The following FBXO32 variants were observed in gnomAD, a reference collection of about 807,000 sequenced individuals.
The protein encoded by FBXO32 is F-box only protein 32.
In FBXO32, 15 loss-of-function variants were observed where a neutral mutation model predicts 48.3. The ratio of observed to expected loss-of-function variants is 0.31; its 90% CI spans 0.21 to 0.48. The LOEUF is 0.48. FBXO32 is among the 20% of genes least tolerant of loss of function. The probability of loss-of-function intolerance (pLI) is 0.99; values close to 1 mark genes in which losing one functional copy is unlikely to be tolerated. For missense variants in FBXO32, 309 were observed against 432.7 expected (o/e 0.71, Z 2.54); for synonymous variants, 154 against 165.9 (o/e 0.93, Z 0.55).
intron 1 of FBXO32, among the ~76,000 whole-genome samples, chr8:123,538,641 G>GA (rs961468820): frequency 1.1e-4 from 16 of 151,050 alleles, no homozygotes; most frequent in Middle Eastern, 3.4e-3. Context: ...ACAGTTGCTG[G>GA]AAAAAAAAAT....
chr8:123,521,594 C>T (rs1816956518), intron 4 of FBXO32, among the ~76,000 whole-genome samples: 1 of 152,226 alleles, frequency 6.6e-6, no homozygotes, highest in Non-Finnish European at 1.5e-5. Context: ...GCAGCTTCCT[C>T]TACCTGTTAG....
At chr8:123,520,820 A>G (rs1035676500) in intron 4 of FBXO32, among the ~76,000 whole-genome samples, 6 of 152,126 alleles carry the variant, frequency 3.9e-5, no homozygotes, top group Non-Finnish European at 7.4e-5. Context: ...GCTCCTTACC[A>G]TGACTGGCAA....
chr8:123,508,942 G>T (rs1431885037), intron 6 of FBXO32, among the ~76,000 whole-genome samples: 1 of 152,034 alleles, frequency 6.6e-6, no homozygotes. Flanking sequence ...TCTTCCTTTC[G>T]AATATAAACG....
intron 1 of FBXO32, among the ~76,000 whole-genome samples, chr8:123,539,646 T>C (rs1472287531): frequency 1.3e-5 from 2 of 152,184 alleles, no homozygotes; most frequent in Admixed American, 1.3e-4. Flanking sequence ...ATTTGATGCA[T>C]TACAAATCAC....
intron 7 of FBXO32, among the ~76,000 whole-genome samples, chr8:123,505,464 G>A (rs549037657): frequency 4.7e-5 from 7 of 149,582 alleles, no homozygotes; most frequent in Admixed American, 2.0e-4. Context: ...CACAGGGTGC[G>A]GTGGCTCACG....
chr8:123,508,160 C>A (rs1034982006), intron 6 of FBXO32, among the ~76,000 whole-genome samples: 5 of 152,330 alleles, frequency 3.3e-5, no homozygotes, highest in Admixed American at 1.3e-4. Context: ...GATGAAGAAA[C>A]CCTTCCTTAG....
At chr8:123,508,369 G>C (rs1816671226) in intron 6 of FBXO32, among the ~76,000 whole-genome samples, 1 of 152,102 alleles carries the variant, frequency 6.6e-6, no homozygotes, top group African/African-American at 2.4e-5. Flanking sequence ...AGGGGCCTTG[G>C]GAAGGCTAAG....
At chr8:123,509,511 G>A (rs924727979) in intron 6 of FBXO32, among the ~76,000 whole-genome samples, 1 of 151,942 alleles carries the variant, frequency 6.6e-6, no homozygotes, top group Non-Finnish European at 1.5e-5. Flanking sequence ...ATCAGCCTGG[G>A]CAAGATGGTG....
intron 4 of FBXO32, among the ~76,000 whole-genome samples, chr8:123,529,039 C>T (rs1021921492): frequency 5.9e-5 from 9 of 152,146 alleles, no homozygotes; most frequent in African/African-American, 2.2e-4. Flanking sequence ...CCTCAAAACA[C>T]AGTGGCTATC....
At chr8:123,511,107 G>A (rs1430892425) in intron 6 of FBXO32, among the ~76,000 whole-genome samples, 1 of 152,176 alleles carries the variant, frequency 6.6e-6, no homozygotes, top group Non-Finnish European at 1.5e-5. Flanking sequence ...TTAAAAAGCT[G>A]GATCATTGGA....
chr8:123,519,776 A>C (rs1816914069), intron 4 of FBXO32, among the ~76,000 whole-genome samples: 1 of 151,872 alleles, frequency 6.6e-6, no homozygotes, highest in Non-Finnish European at 1.5e-5. Flanking sequence ...AGAGAGCAGA[A>C]TTTACCGATT....
chr8:123,537,237 A>ATT (rs575156237), intron 1 of FBXO32, among the ~76,000 whole-genome samples: 2,241 of 147,478 alleles, frequency 0.015, 49 homozygotes, highest in African/African-American at 0.053. Context: ...GGAGCACAGG[A>ATT]TTTTTTTTTT....
Position 123,531,561 on chromosome 8 carries a change from C to T in FBXO32, c.372+337G>A, listed in dbSNP as rs117433876. The stretch of plus-strand genomic sequence containing the variant: ...TTGCTAAGGCTGTTGCCAGGGCCAG[C>T]GTTGCCTGTGACATGTTCCCACGTA... On this transcript the variant is annotated intron_variant, in intron 4 of 8. Coordinates refer to ENST00000517956, the MANE Select transcript of FBXO32 (RefSeq NM_058229.4). 8.7e-3 allele frequency among the ~76,000 whole-genome samples: 1,320 copies of T among 152,346 alleles called. 11 individuals carry two copies. Among genetic ancestry groups the T allele is most frequent in the Non-Finnish European group, 0.014 (983 of 68,030 alleles).
intron 4 of FBXO32, among the ~76,000 whole-genome samples, chr8:123,517,477 C>T (rs368568200): frequency 2.0e-5 from 3 of 146,556 alleles, no homozygotes; most frequent in Non-Finnish European, 3.0e-5. Flanking sequence ...TCCCCCCTAC[C>T]TTTTTTTTTT....
intron 6 of FBXO32, among the ~76,000 whole-genome samples, chr8:123,508,398 G>A (rs1195822098): frequency 6.6e-6 from 1 of 152,130 alleles, no homozygotes; most frequent in Admixed American, 6.5e-5. Context: ...AAGAATGGGA[G>A]GTGCAGGGGA....
chr8:123,511,081 G>C (rs1014903443), intron 6 of FBXO32, among the ~76,000 whole-genome samples: 1 of 152,230 alleles, frequency 6.6e-6, no homozygotes, highest in African/African-American at 2.4e-5. Flanking sequence ...GATCTCATTG[G>C]ATTAAAGAGA....
At chr8:123,533,801 C>T (rs563398870) in intron 2 of FBXO32, among the ~76,000 whole-genome samples, 10 of 151,880 alleles carry the variant, frequency 6.6e-5, no homozygotes, top group Non-Finnish European at 1.3e-4. Flanking sequence ...GAGCGAGACT[C>T]CGTCCCCCCG....
intron 7 of FBXO32, among the ~76,000 whole-genome samples, chr8:123,505,870 A>T (rs1816606292): frequency 6.6e-6 from 1 of 152,148 alleles, no homozygotes; most frequent in Admixed American, 6.6e-5. Context: ...TAAGAATGTA[A>T]GTTTAATTTT....
chr8:123,531,516 G>C (rs1458858665), intron 4 of FBXO32, among the ~76,000 whole-genome samples: 1 of 152,234 alleles, frequency 6.6e-6, no homozygotes, highest in African/African-American at 2.4e-5. Context: ...TTTAGGGCTT[G>C]CTTCCTGCTG....
Sources: gnomAD v4.1 joint callset for allele counts (sites outside exome capture counted in the v4.1 genomes callset) on GRCh38, gnomAD v4.1.1 for gene constraint, MANE v1.5 for transcripts, NCBI Gene and HGNC (gene_info 2026-07-23, HGNC 2026-07-21) for gene names.